The following TRRAP variants were observed in gnomAD, a reference collection of about 807,000 sequenced individuals.
TRRAP encodes transformation/transcription domain associated protein.
TRRAP carries 41 observed loss-of-function variants against 438.8 expected under a neutral mutation model. The ratio of observed to expected loss-of-function variants is 0.09; its 90% CI spans 0.07 to 0.12. The LOEUF (loss-of-function observed/expected upper bound fraction) is 0.12, where lower values mean the gene tolerates loss of function less well. Among genes scored for constraint, TRRAP ranks in the 10% least tolerant of loss-of-function variants. The pLI is 1.00. For synonymous variants in TRRAP, 1,994 were observed against 1,962.9 expected (o/e 1.02, Z -0.42); for missense variants, 3,122 against 5,055.1 (o/e 0.62, Z 11.60).
At chr7:98,902,480 AAATT>A (rs1554406801) in intron 11 of TRRAP, among the ~76,000 whole-genome samples, 2 of 152,262 alleles carry the variant, frequency 1.3e-5, no homozygotes, top group African/African-American at 2.4e-5. Context: ...AGAAAAATAA[AAATT>A]AAAGAGCTGA....
Position 98,881,266 on chromosome 7 carries a change from T to C in TRRAP, c.100+16T>C. ...GTGAATACACGTGAGTTGATCCTTT[T>C]TATCATTAAGAAATGCATAAATAAG... On this transcript the variant is annotated intron_variant, in intron 2 of 72. Coordinates refer to ENST00000456197, the MANE Select transcript of TRRAP (RefSeq NM_001375524.1). 6.3e-7 allele frequency: 1 copy of C among 1,582,668 alleles called. No homozygotes were observed. Among genetic ancestry groups the C allele is most frequent in the African/African-American group, 1.4e-5 (1 of 73,590 alleles).
At chr7:98,927,111 G>A (rs1051396132) in intron 22 of TRRAP, 56 bp from the exon 23 acceptor site, 3 of 1,591,128 alleles carry the variant, frequency 1.9e-6, no homozygotes, top group Non-Finnish European at 2.6e-6. Context: ...AGTCCTAGTG[G>A]AGTCATCAGC....
intron 20 of TRRAP, 105 bp downstream of exon 20, chr7:98,917,784 GCT>G: frequency 7.1e-7 from 1 of 1,418,294 alleles, no homozygotes; most frequent in African/African-American, 1.4e-5. Flanking sequence ...GACCAGTGCA[GCT>G]CTCTGTTTAA....
In TRRAP at chr7:99,011,023, T is replaced by C. The variant is rs1794403289; in HGVS notation, c.10939-29T>C. ...TTCCAAAAAAAATCAGTGAGTGAGA[T>C]GGGAGTGTCACGGAGCGCTGTGTTT... On this transcript the variant is annotated intron_variant, in intron 70 of 72. Coordinates refer to ENST00000456197, the MANE Select transcript of TRRAP (RefSeq NM_001375524.1). The surrounding 1 kb of genome is among the most constrained non-coding windows in gnomAD (Gnocchi z 7.1). 6.3e-7 allele frequency: 1 copy of C among 1,593,908 alleles called. No homozygotes were observed. Among genetic ancestry groups the C allele is most frequent in the Non-Finnish European group, 8.6e-7 (1 of 1,164,456 alleles).
rs765061967 is a variant in TRRAP at position 98,976,807 on chromosome 7, C to T, written c.8247+37C>T. ...CCTCAGTTTGTTAATTACCTCTTCC[C>T]TGCCAGTGACTTCACACTTTAAATA... On this transcript the variant is annotated intron_variant, in intron 55 of 72. Transcript: ENST00000456197. This position sits in a 1 kb window ranked among gnomAD's most constrained non-coding sequence, Gnocchi z 4.6. The T allele has an allele frequency of 6.9e-6, 11 of 1,604,526 alleles. No individual in the cohort carries two copies. The highest frequency in any genetic ancestry group is 8.5e-6 in the Non-Finnish European group (10 of 1,173,832).
At chr7:99,006,865 A>G (rs1284214949) in intron 69 of TRRAP, among the ~76,000 whole-genome samples, 3 of 152,218 alleles carry the variant, frequency 2.0e-5, no homozygotes, top group African/African-American at 7.2e-5. Context: ...GGTAGGTACT[A>G]TTATCCCACT....
In TRRAP at chr7:98,955,448, T is replaced by C. The variant is rs1261802232; in HGVS notation, c.5937+144T>C. ...TGGTTCATTGATTAGTTTGTGTATGTGTGTATGGCTTTATCAGCATGGAAA... is the reference window on the plus strand; with the variant it reads ...TGGTTCATTGATTAGTTTGTGTATGCGTGTATGGCTTTATCAGCATGGAAA... On this transcript the variant is annotated intron_variant, in intron 41 of 72. Transcript: ENST00000456197. 1.1e-5 allele frequency: 9 copies of C among 839,604 alleles called. No homozygotes were observed. The African/African-American group carries it at 1.5e-4, about 14-fold the overall frequency. The allele number at this position is 839,604 out of a possible 1,614,324, so 52.0% of individuals were successfully genotyped here. A position where few individuals can be genotyped will look rare whatever the true frequency, so the allele number is the denominator to read the frequency against.
rs1790592605 is a variant in TRRAP, at chr7:98,937,141, T to TA, written c.4112-15_4112-14insA. ...CCAGTTAATAATGGAATTGTCTTGA[T>TA]TTCTCTCCCTGAAGATGCACTTGCT... On this transcript the variant is annotated splice_polypyrimidine_tract_variant and intron_variant, in intron 28 of 72. Coordinates refer to ENST00000456197, the MANE Select transcript of TRRAP (RefSeq NM_001375524.1). The TA allele has an allele frequency of 1.3e-6, 2 of 1,590,896 alleles. No homozygotes were observed. Among genetic ancestry groups the TA allele is most frequent in the Admixed American group, 1.9e-5 (1 of 53,792 alleles).
chr7:98,979,496 T>C (rs1160187489), intron 58 of TRRAP, among the ~76,000 whole-genome samples: 1 of 152,190 alleles, frequency 6.6e-6, no homozygotes, highest in East Asian at 1.9e-4. Flanking sequence ...ATGCAGTTTT[T>C]TTTCCCCCAA....
intron 52 of TRRAP, 148 bp downstream of exon 52, chr7:98,970,439 T>G: frequency 8.1e-6 from 8 of 983,962 alleles, no homozygotes; most frequent in Non-Finnish European, 1.2e-5. Context: ...ACGGGCAGAA[T>G]CCCAGAGGAG....
chr7:98,919,764 G>A (rs1481453328), intron 20 of TRRAP, among the ~76,000 whole-genome samples: 4 of 152,190 alleles, frequency 2.6e-5, no homozygotes, highest in African/African-American at 9.6e-5. Flanking sequence ...GAGAGGAGGA[G>A]GAGGTGGTTC....
intron 1 of TRRAP, among the ~76,000 whole-genome samples, chr7:98,880,008 C>T (rs1231568229): frequency 1.3e-5 from 2 of 152,132 alleles, no homozygotes; most frequent in Non-Finnish European, 2.9e-5. Flanking sequence ...TTTGTGACAC[C>T]TGTTAAAATA....
At chr7:98,907,211 T>C (rs984675623) in intron 13 of TRRAP, among the ~76,000 whole-genome samples, 62 of 151,894 alleles carry the variant, frequency 4.1e-4, no homozygotes, top group Non-Finnish European at 7.4e-4. Context: ...TAATCCCAAC[T>C]AGTCGGGAGG....
chr7:98,882,833 A>G (rs1397501517), intron 3 of TRRAP, among the ~76,000 whole-genome samples: 1 of 151,678 alleles, frequency 6.6e-6, no homozygotes, highest in Non-Finnish European at 1.5e-5. Flanking sequence ...TGATTTTTGC[A>G]TTTTTAGTAG....
At chr7:98,927,123 C>T in intron 22 of TRRAP, 44 bp from the exon 23 acceptor site, 1 of 1,609,426 alleles carries the variant, frequency 6.2e-7, no homozygotes, top group South Asian at 1.1e-5. Flanking sequence ...GTCATCAGCT[C>T]AGGAGTTGGG....
At chr7:98,900,538 T>A in intron 10 of TRRAP, 86 bp from the exon 11 acceptor site, 1 of 1,124,572 alleles carries the variant, frequency 8.9e-7, no homozygotes, top group Non-Finnish European at 1.3e-6. Flanking sequence ...ATCAATCTTT[T>A]GGGTTTAGTA....
intron 21 of TRRAP, among the ~76,000 whole-genome samples, chr7:98,922,354 T>C (rs530175776): frequency 4.6e-5 from 7 of 152,296 alleles, no homozygotes; most frequent in African/African-American, 1.4e-4. Flanking sequence ...CTGGCTCTCA[T>C]CCCACTGCCA....
chr7:98,897,050 C>T (rs782429936), intron 7 of TRRAP, among the ~76,000 whole-genome samples: 6 of 152,074 alleles, frequency 3.9e-5, no homozygotes, highest in Admixed American at 3.3e-4. Context: ...GCTTGGCCAA[C>T]GTGGTGAAAC....
At chr7:98,922,905 T>C (rs1297916837) in intron 21 of TRRAP, among the ~76,000 whole-genome samples, 2 of 152,172 alleles carry the variant, frequency 1.3e-5, no homozygotes, top group Non-Finnish European at 2.9e-5. Context: ...GCCCATGTAG[T>C]GGCTTCTGTG....
Sources: allele counts gnomAD v4.1 joint callset (sites outside exome capture counted in the v4.1 genomes callset), GRCh38; gene constraint gnomAD v4.1.1; non-coding constraint Gnocchi (gnomAD v3.1); transcripts MANE v1.5; gene names NCBI Gene and HGNC (gene_info 2026-07-23, HGNC 2026-07-21).